The following ANKFN1 variants were observed in gnomAD, a reference collection of about 807,000 sequenced individuals.
ANKFN1 encodes ankyrin repeat and fibronectin type III domain containing 1.
Under a neutral mutation model 108.7 loss-of-function variants are expected in ANKFN1, and 74 were observed. The observed-to-expected ratio is 0.68, with a 90% CI of 0.56 to 0.83. The LOEUF is 0.83. ANKFN1 is among the 40% of genes least tolerant of loss of function. The probability of loss-of-function intolerance (pLI) is 0.00; values close to 1 mark genes in which losing one functional copy is unlikely to be tolerated. For missense variants in ANKFN1, 1,505 were observed against 1,382.3 expected (o/e 1.09, Z -1.41); for synonymous variants, 547 against 516.2 (o/e 1.06, Z -0.81).
chr17:56,078,155 C>G (rs1044405747), intron 4 of ANKFN1, among the ~76,000 whole-genome samples: 13 of 152,172 alleles, frequency 8.5e-5, no homozygotes, highest in Admixed American at 8.5e-4. Flanking sequence ...ACTCTTTTAG[C>G]TGGGCTACTT....
At position 56,391,234 on chromosome 17, in the gene ANKFN1, T is replaced by C; in HGVS notation, c.910+16520T>C. 1.8e-4 allele frequency among the ~76,000 whole-genome samples: 6 copies of C among 33,746 alleles called. No individual in the cohort carries two copies. The South Asian group carries it at 6.9e-3, about 39-fold the overall frequency. The allele number at this position is 33,746 out of a possible 152,430, so 22.1% of individuals were successfully genotyped here. On this transcript the variant is annotated intron_variant, in intron 8 of 20. Coordinates refer to ENST00000682825, the MANE Select transcript of ANKFN1 (RefSeq NM_001370326.1). Reference sequence around the variant, plus strand: ...ATACATATATATATATATATATATATATATATATATATATGTATGTGTGTG... The same window carrying C: ...ATACATATATATATATATATATATACATATATATATATATGTATGTGTGTG...
intron 3 of ANKFN1, chr17:56,323,402 A>G (rs2045424957): frequency 6.5e-6 from 1 of 152,672 alleles, no homozygotes; most frequent in Non-Finnish European, 1.5e-5. Context: ...TTGATGTTCA[A>G]TGAATCAAGC....
chr17:56,339,706 T>C (rs2045911685), intron 4 of ANKFN1, among the ~76,000 whole-genome samples: 1 of 152,170 alleles, frequency 6.6e-6, no homozygotes, highest in South Asian at 2.1e-4. Context: ...CAGTCTATCA[T>C]TGATGGACAT....
At chr17:56,398,739 C>A (rs2047662991) in intron 8 of ANKFN1, among the ~76,000 whole-genome samples, 1 of 152,140 alleles carries the variant, frequency 6.6e-6, no homozygotes, top group African/African-American at 2.4e-5. Flanking sequence ...AGTCATTACT[C>A]TGCCACCTAA....
At chr17:56,413,888 G>A (rs2048165439) in intron 8 of ANKFN1, among the ~76,000 whole-genome samples, 1 of 151,888 alleles carries the variant, frequency 6.6e-6, no homozygotes, top group Non-Finnish European at 1.5e-5. Flanking sequence ...ATGTTGACCA[G>A]TCTGGTCTCG....
intron 8 of ANKFN1, among the ~76,000 whole-genome samples, chr17:56,393,855 C>G (rs1202430115): frequency 6.6e-6 from 1 of 152,216 alleles, no homozygotes; most frequent in Non-Finnish European, 1.5e-5. Context: ...AAGATCAGCA[C>G]AGTTGCTGCC....
chr17:56,462,619 A>C (rs2049943925), intron 14 of ANKFN1, among the ~76,000 whole-genome samples: 3 of 152,100 alleles, frequency 2.0e-5, no homozygotes, highest in African/African-American at 7.2e-5. Context: ...TAAAATAACA[A>C]TGTTCTGAGG....
chr17:56,398,715 A>G (rs1338338221), intron 8 of ANKFN1, among the ~76,000 whole-genome samples: 1 of 152,200 alleles, frequency 6.6e-6, no homozygotes, highest in Non-Finnish European at 1.5e-5. Context: ...GCAAAGACAC[A>G]GAACCAAGAG....
intron 4 of ANKFN1, among the ~76,000 whole-genome samples, chr17:56,108,615 A>G (rs1337772954): frequency 6.6e-6 from 1 of 152,180 alleles, no homozygotes; most frequent in Non-Finnish European, 1.5e-5. Context: ...CCAATATATA[A>G]CGCAGCTAGT....
chr17:56,401,351 GTATTGTATTGTATTGTA>G, intron 8 of ANKFN1, among the ~76,000 whole-genome samples: 1 of 69,166 alleles, frequency 1.4e-5, no homozygotes, highest in African/African-American at 4.0e-5. Context: ...GTATTGTATT[GTATTGTATTGTATTGTA>G]TTGTGTTGTG....
intron 3 of ANKFN1, among the ~76,000 whole-genome samples, chr17:56,284,595 A>C (rs1598351997): frequency 6.6e-6 from 1 of 152,210 alleles, no homozygotes; most frequent in Non-Finnish European, 1.5e-5. Context: ...GCAGGGTGCT[A>C]TGTGAGGTCA....
intron 1 of ANKFN1, among the ~76,000 whole-genome samples, chr17:56,190,339 T>C (rs1272030557): frequency 7.0e-5 from 9 of 128,988 alleles, no homozygotes; most frequent in African/African-American, 2.7e-4. Context: ...TGCTTTCTCT[T>C]GTGGGCATTT....
At chr17:56,248,604 G>A (rs1009841132) in intron 3 of ANKFN1, among the ~76,000 whole-genome samples, 1 of 152,158 alleles carries the variant, frequency 6.6e-6, no homozygotes, top group Non-Finnish European at 1.5e-5. Flanking sequence ...GTGAATCGAG[G>A]CCATGCAGTG....
chr17:56,082,471 T>A (rs183774327), intron 4 of ANKFN1, among the ~76,000 whole-genome samples: 1 of 151,444 alleles, frequency 6.6e-6, no homozygotes, highest in East Asian at 1.9e-4. Flanking sequence ...CTGAGCCTTG[T>A]CAGAGTTCTG....
intron 8 of ANKFN1, among the ~76,000 whole-genome samples, chr17:56,405,209 T>C (rs1410204809): frequency 6.6e-6 from 1 of 152,162 alleles, no homozygotes; most frequent in East Asian, 1.9e-4. Context: ...TATAAATAGC[T>C]CTTGAAATAT....
intron 4 of ANKFN1, among the ~76,000 whole-genome samples, chr17:56,114,574 A>T (rs1482878893): frequency 6.6e-6 from 1 of 152,204 alleles, no homozygotes; most frequent in Non-Finnish European, 1.5e-5. Context: ...GTGAGGGGTG[A>T]GAAATTAATA....
intron 1 of ANKFN1, among the ~76,000 whole-genome samples, chr17:56,186,550 T>C (rs1303771922): frequency 6.6e-6 from 1 of 152,152 alleles, no homozygotes; most frequent in Non-Finnish European, 1.5e-5. Flanking sequence ...AGAGCAAAAA[T>C]GTATGAATCG....
At chr17:56,400,961 C>T (rs1024527983) in intron 8 of ANKFN1, among the ~76,000 whole-genome samples, 14 of 152,100 alleles carry the variant, frequency 9.2e-5, no homozygotes, top group South Asian at 2.1e-4. Flanking sequence ...TATTTTTATG[C>T]GAGTACCACG....
At chr17:56,390,910 C>A (rs939624243) in intron 8 of ANKFN1, among the ~76,000 whole-genome samples, 4 of 152,006 alleles carry the variant, frequency 2.6e-5, no homozygotes, top group Non-Finnish European at 5.9e-5. Flanking sequence ...ATGCCCTCCA[C>A]CTTTTCTTCG....
Sources: allele counts gnomAD v4.1 joint callset (sites outside exome capture counted in the v4.1 genomes callset), GRCh38; gene constraint gnomAD v4.1.1; transcripts MANE v1.5; gene names NCBI Gene and HGNC (gene_info 2026-07-23, HGNC 2026-07-21).